The following NCKAP1 variants were observed in gnomAD, a reference collection of about 807,000 sequenced individuals.
NCKAP1 encodes NCK associated protein 1.
NCKAP1 carries 21 observed loss-of-function variants against 151.2 expected under a neutral mutation model. The ratio of observed to expected loss-of-function variants is 0.14; its 90% confidence interval spans 0.10 to 0.20. NCKAP1 has a LOEUF of 0.20. NCKAP1 is among the 10% of genes least tolerant of loss of function. NCKAP1 has a pLI of 1.00. For synonymous variants in NCKAP1, 484 were observed against 451.8 expected (o/e 1.07, Z -0.90); for missense variants, 933 against 1,352.1 (o/e 0.69, Z 4.86).
rs933240913 is a variant in NCKAP1, at chr2:182,989,776, C to T, written c.791-590G>A. Among the ~76,000 whole-genome samples, 7 of 151,674 alleles carry T rather than the reference C, an allele frequency of 4.6e-5. No individual in the cohort carries two copies. The East Asian group carries it at 1.2e-3, about 25-fold the overall frequency. ...CAGCATTTTGGGAGGCCAAGGCAGG[C>T]GGATCATGAGGTTAGGAGTTCGAGA... On this transcript the variant is annotated intron_variant, in intron 8 of 30. Coordinates refer to ENST00000361354, the MANE Select transcript of NCKAP1 (RefSeq NM_013436.5).
chr2:183,019,615 T>TAA (rs74690410), intron 2 of NCKAP1, among the ~76,000 whole-genome samples: 6,799 of 152,316 alleles, frequency 0.045, 208 homozygotes, highest in South Asian at 0.13. Context: ...ATAAATTAGA[T>TAA]AATCTTTCAG....
rs1696627630 is a variant in NCKAP1 at position 182,925,617 on chromosome 2, A to G, written c.*85T>C. 9.4e-6 allele frequency: 6 copies of G among 636,758 alleles called. No homozygotes were observed. The East Asian group carries it at 1.8e-4, about 19-fold the overall frequency. The allele number at this position is 636,758 out of a possible 1,614,324, so 39.4% of individuals were successfully genotyped here. On this transcript the variant is annotated 3_prime_UTR_variant, in exon 31 of 31. Transcript: ENST00000361354. ...AATTTATAATCCACAAAACTTTTTC[A>G]GGTCTTAAGGTAAAATAGTTCCACA...
At chr2:182,936,621 C>G (rs184474647) in intron 24 of NCKAP1, among the ~76,000 whole-genome samples, 1 of 152,198 alleles carries the variant, frequency 6.6e-6, no homozygotes, top group Admixed American at 6.5e-5. Context: ...TAACTTTCTA[C>G]CTTCTGTGTA....
intron 2 of NCKAP1, among the ~76,000 whole-genome samples, chr2:183,008,743 G>C (rs1200786093): frequency 6.6e-6 from 1 of 152,152 alleles, no homozygotes; most frequent in African/African-American, 2.4e-5. Context: ...ATAAATTCAT[G>C]TCTCAAATGA....
At chr2:183,026,768 G>A (rs1289265964) in intron 1 of NCKAP1, among the ~76,000 whole-genome samples, 1 of 152,086 alleles carries the variant, frequency 6.6e-6, no homozygotes, top group African/African-American at 2.4e-5. Context: ...ACCTCACAGG[G>A]TTATTATAAG....
chr2:183,036,468 A>C (rs1292402143), intron 1 of NCKAP1, among the ~76,000 whole-genome samples: 1 of 152,182 alleles, frequency 6.6e-6, no homozygotes, highest in African/African-American at 2.4e-5. Context: ...AATCTCCCCG[A>C]ACAGTTCAGG....
In NCKAP1 at chr2:182,923,772, G is replaced by C. The variant is rs1366786899; in HGVS notation, c.*1930C>G. 1 of 152,112 alleles carries C rather than the reference G, an allele frequency of 6.6e-6. No individual in the cohort carries two copies. 9.4% of individuals were successfully genotyped at this position (152,112 alleles called of 1,614,324 possible). ...AACAAACAAGATATTAAAAATAGTA[G>C]TTGTCAATTTACTTTTAACTTTTTC... On this transcript the variant is annotated 3_prime_UTR_variant, in exon 31 of 31. Coordinates refer to ENST00000361354, the MANE Select transcript of NCKAP1 (RefSeq NM_013436.5).
Position 182,928,233 on chromosome 2 carries a change from A to T in NCKAP1, c.3071-7T>A, listed in dbSNP as rs534353641. The T allele has an allele frequency of 2.3e-5, 36 of 1,593,594 alleles. No homozygotes were observed. The African/African-American group carries it at 4.3e-4, about 19-fold the overall frequency. On this transcript the variant is annotated splice_polypyrimidine_tract_variant and splice_region_variant and intron_variant, in intron 28 of 30. Coordinates refer to ENST00000361354, the MANE Select transcript of NCKAP1 (RefSeq NM_013436.5). ...TGTATGTTGTTGCAATGCCCTGAGAAAATGCAAATAGGGTTGTGTAGACCC... is the reference window on the plus strand; with the variant it reads ...TGTATGTTGTTGCAATGCCCTGAGATAATGCAAATAGGGTTGTGTAGACCC...
chr2:183,031,834 C>CA (rs1188348960), intron 1 of NCKAP1, among the ~76,000 whole-genome samples: 12 of 152,098 alleles, frequency 7.9e-5, no homozygotes, highest in African/African-American at 2.9e-4. Flanking sequence ...CTTAGAAAGC[C>CA]AAAAAATACA....
intron 22 of NCKAP1, 145 bp downstream of exon 22, chr2:182,952,648 C>A: frequency 8.8e-7 from 1 of 1,140,754 alleles, no homozygotes; most frequent in Middle Eastern, 2.3e-4. Context: ...ATACAAAATG[C>A]AAAAGTAATT....
chr2:183,037,734 G>T (rs1230461204), intron 1 of NCKAP1, among the ~76,000 whole-genome samples: 1 of 152,050 alleles, frequency 6.6e-6, no homozygotes, highest in Non-Finnish European at 1.5e-5. Flanking sequence ...CCCGTGCGAG[G>T]CCCAGCGCCC....
intron 23 of NCKAP1, among the ~76,000 whole-genome samples, chr2:182,951,636 CA>C (rs11336221): frequency 0.047 from 4,311 of 90,772 alleles, 181 homozygotes; most frequent in African/African-American, 0.16. Flanking sequence ...GACTCCATCT[CA>C]AAAAAAAAAA....
intron 2 of NCKAP1, among the ~76,000 whole-genome samples, chr2:183,012,759 G>A (rs1194066234): frequency 1.3e-5 from 2 of 148,400 alleles, no homozygotes; most frequent in Non-Finnish European, 3.0e-5. Flanking sequence ...GAAAACATGC[G>A]CACGCCACCA....
At chr2:182,943,959 C>T (rs547644143) in intron 23 of NCKAP1, among the ~76,000 whole-genome samples, 3 of 152,256 alleles carry the variant, frequency 2.0e-5, no homozygotes, top group East Asian at 1.9e-4. Context: ...ATCTTTTGTG[C>T]GCATAAAAAT....
rs1473912953 is a variant in NCKAP1, at chr2:182,921,224, C to A, written c.*4478G>T. The A allele has an allele frequency of 6.6e-5, 10 of 152,116 alleles. No individual in the cohort carries two copies. Among genetic ancestry groups the A allele is most frequent in the African/African-American group, 2.4e-4 (10 of 41,408 alleles). 9.4% of individuals were successfully genotyped at this position (152,116 alleles called of 1,614,324 possible). ...CTGCTGAGAAATTAATGACTCTGCA[C>A]TGCATTAAATTTAAAAAATGAGCTT... On this transcript the variant is annotated 3_prime_UTR_variant, in exon 31 of 31. Coordinates refer to ENST00000361354, the MANE Select transcript of NCKAP1 (RefSeq NM_013436.5).
At chr2:182,937,618 A>G (rs1559072998) in intron 24 of NCKAP1, among the ~76,000 whole-genome samples, 1 of 152,204 alleles carries the variant, frequency 6.6e-6, no homozygotes. Flanking sequence ...TACGAAAAGA[A>G]TTCTATTTAA....
intron 20 of NCKAP1, among the ~76,000 whole-genome samples, chr2:182,954,733 C>T (rs1258285727): frequency 3.3e-5 from 5 of 152,114 alleles, no homozygotes; most frequent in Non-Finnish European, 7.4e-5. Context: ...TTGCAGTGAG[C>T]TGAGATTGTG....
chr2:182,994,542 G>C (rs900820734), intron 8 of NCKAP1, among the ~76,000 whole-genome samples: 3 of 151,904 alleles, frequency 2.0e-5, no homozygotes, highest in African/African-American at 7.3e-5. Flanking sequence ...GGGAGGCTGA[G>C]ACACGAGAAC....
At chr2:182,995,861 G>A (rs996560190) in intron 6 of NCKAP1, 23 bp from the exon 7 acceptor site, 1 of 1,580,894 alleles carries the variant, frequency 6.3e-7, no homozygotes, top group East Asian at 2.2e-5. Context: ...CGAAAAAAAA[G>A]CTGAAGAATA....
Sources: gnomAD v4.1 joint callset for allele counts (sites outside exome capture counted in the v4.1 genomes callset) on GRCh38, gnomAD v4.1.1 for gene constraint, MANE v1.5 for transcripts, NCBI Gene and HGNC (gene_info 2026-07-23, HGNC 2026-07-21) for gene names.